Variants in EIPR1 observed in about 807,000 individuals in gnomAD.
EIPR1 encodes the protein EARP complex and GARP complex interacting protein 1.
Under a neutral mutation model 48.1 loss-of-function variants are expected in EIPR1, and 25 were observed. That is an observed-to-expected ratio of 0.52 (90% CI 0.38 to 0.73). EIPR1 has a LOEUF of 0.73. Among genes scored for constraint, EIPR1 ranks in the 30% least tolerant of loss-of-function variants. The pLI is 0.00. For missense variants in EIPR1, 415 were observed against 506.2 expected (o/e 0.82, Z 1.73); for synonymous variants, 204 against 201.9 (o/e 1.01, Z -0.09).
intron 1 of EIPR1, among the ~76,000 whole-genome samples, chr2:3,370,503 G>A (rs1456797129): frequency 6.0e-5 from 9 of 151,126 alleles, no homozygotes; most frequent in Non-Finnish European, 8.8e-5. Flanking sequence ...AAATTTAGAC[G>A]AATGTATAAC....
chr2:3,365,025 T>C (rs898631019), intron 1 of EIPR1, among the ~76,000 whole-genome samples: 1 of 152,160 alleles, frequency 6.6e-6, no homozygotes, highest in African/African-American at 2.4e-5. Context: ...TTTAAGGTGA[T>C]GGATATCTCA....
intron 3 of EIPR1, among the ~76,000 whole-genome samples, chr2:3,265,027 T>C (rs572104296): frequency 1.5e-5 from 1 of 64,646 alleles, no homozygotes; most frequent in African/African-American, 6.7e-5. Flanking sequence ...ATAAAATTAA[T>C]GAAATGTCTA....
At chr2:3,363,819 C>T (rs375992109) in intron 1 of EIPR1, among the ~76,000 whole-genome samples, 1 of 104,032 alleles carries the variant, frequency 9.6e-6, no homozygotes, top group African/African-American at 3.2e-5. Context: ...AAAAAAAAAA[C>T]ACCAAAATAA....
chr2:3,217,981 G>T (rs370053793), intron 4 of EIPR1, among the ~76,000 whole-genome samples: 158 of 152,230 alleles, frequency 1.0e-3, no homozygotes, highest in African/African-American at 3.6e-3. Context: ...GCATGGCCCT[G>T]GTACACTCTA....
chr2:3,191,531 CA>C (rs1045774196), intron 8 of EIPR1, among the ~76,000 whole-genome samples: 6 of 152,220 alleles, frequency 3.9e-5, no homozygotes, highest in African/African-American at 1.4e-4. Context: ...AGACAAAAAA[CA>C]GTGCAAAGGA....
At chr2:3,305,457 C>T (rs371651332) in intron 3 of EIPR1, among the ~76,000 whole-genome samples, 1 of 151,604 alleles carries the variant, frequency 6.6e-6, no homozygotes, top group Non-Finnish European at 1.5e-5. Flanking sequence ...GCCCTCCAAT[C>T]CCGTCCAGTT....
intron 3 of EIPR1, among the ~76,000 whole-genome samples, chr2:3,322,074 C>T (rs995287678): frequency 1.3e-5 from 2 of 152,214 alleles, no homozygotes; most frequent in Non-Finnish European, 2.9e-5. Context: ...GGGCCCAGGG[C>T]ATATTCCACT....
intron 3 of EIPR1, chr2:3,319,231 G>A: frequency 3.0e-6 from 1 of 330,700 alleles, no homozygotes; most frequent in South Asian, 2.5e-5. Context: ...CTCAGAAGCA[G>A]CATCCTTGAA....
chr2:3,359,706 A>T lies in EIPR1; in HGVS notation c.43-5073T>A, dbSNP rs574123693. Among the ~76,000 whole-genome samples the T allele has an allele frequency of 6.6e-5, 10 of 152,360 alleles. No homozygotes were observed. The South Asian group carries it at 2.1e-3, about 32-fold the overall frequency. ...ATAATTCTACCTCTTTGATTAAAGT[A>T]ATGATAAAATGACCACTAAGTCTAG... On this transcript the variant is annotated intron_variant, in intron 1 of 8. Coordinates refer to ENST00000382125, the MANE Select transcript of EIPR1 (RefSeq NM_003310.5).
chr2:3,286,968 G>C lies in EIPR1; in HGVS notation c.260-29513C>G, dbSNP rs909035800. Among the ~76,000 whole-genome samples the C allele has an allele frequency of 1.3e-5, 2 of 149,082 alleles. No homozygotes were observed. Among genetic ancestry groups the C allele is most frequent in the Non-Finnish European group, 1.5e-5 (1 of 67,194 alleles). ...CACACAGAGTGCCAGCCGGCAGAGG[G>C]GGCGGTGGGGAGCACACAGAGTGCC... On this transcript the variant is annotated intron_variant, in intron 3 of 8. Coordinates refer to ENST00000382125, the MANE Select transcript of EIPR1 (RefSeq NM_003310.5). The surrounding 1 kb of genome is among the most constrained non-coding windows in gnomAD (Gnocchi z 4.2).
Position 3,365,935 on chromosome 2 carries a change from C to T in EIPR1, c.43-11302G>A, listed in dbSNP as rs1317001902. Among the ~76,000 whole-genome samples, 6 of 95,514 alleles carry T rather than the reference C, an allele frequency of 6.3e-5. No individual in the cohort carries two copies. The Admixed American group carries it at 6.4e-4, about 10-fold the overall frequency. 62.7% of individuals were successfully genotyped at this position (95,514 alleles called of 152,430 possible). A position where few individuals can be genotyped will look rare whatever the true frequency, so the allele number is the denominator to read the frequency against. On this transcript the variant is annotated intron_variant, in intron 1 of 8. Coordinates refer to ENST00000382125, the MANE Select transcript of EIPR1 (RefSeq NM_003310.5). ...CAGGTGGGGGAGTCAGCCCCCCGCC[C>T]GGCCAGCCGCCCAGTCCGGGAGGGA...
intron 3 of EIPR1, chr2:3,300,743 T>C (rs924046025): frequency 6.6e-6 from 1 of 152,212 alleles, no homozygotes; most frequent in Non-Finnish European, 1.5e-5. Context: ...GTCCCAATCA[T>C]ACAAATACCT....
intron 4 of EIPR1, among the ~76,000 whole-genome samples, chr2:3,256,805 C>T (rs967225982): frequency 6.6e-6 from 1 of 152,200 alleles, no homozygotes; most frequent in South Asian, 2.1e-4. Context: ...CATGAAGCAG[C>T]GACTGGCCAG....
At chr2:3,269,158 A>C (rs1307559550) in intron 3 of EIPR1, among the ~76,000 whole-genome samples, 2 of 152,234 alleles carry the variant, frequency 1.3e-5, no homozygotes, top group Non-Finnish European at 2.9e-5. Context: ...TGGTCTGATC[A>C]TCAAGCCTTA....
At chr2:3,273,384 T>C (rs1203285053) in intron 3 of EIPR1, among the ~76,000 whole-genome samples, 1 of 152,130 alleles carries the variant, frequency 6.6e-6, no homozygotes, top group East Asian at 1.9e-4. Flanking sequence ...AACGGGAAAG[T>C]AAGCTTTTGG....
intron 4 of EIPR1, among the ~76,000 whole-genome samples, chr2:3,222,131 A>T (rs898968197): frequency 3.3e-5 from 5 of 152,244 alleles, no homozygotes; most frequent in African/African-American, 9.6e-5. Context: ...ACTTAAGAGC[A>T]GCATGTGCTC....
chr2:3,268,842 G>A (rs577682598), intron 3 of EIPR1, among the ~76,000 whole-genome samples: 12 of 152,262 alleles, frequency 7.9e-5, no homozygotes, highest in African/African-American at 2.4e-4. Flanking sequence ...ACACGAGGCC[G>A]ACTTTGGTGG....
intron 4 of EIPR1, among the ~76,000 whole-genome samples, chr2:3,225,220 ATATGTGTGTGTGTGTG>A (rs1471290245): frequency 2.2e-5 from 2 of 90,376 alleles, no homozygotes; most frequent in Non-Finnish European, 2.4e-5. Flanking sequence ...GTACACTGTG[ATATGTGTGTGTGTGTG>A]TGTGTGTGTG....
intron 3 of EIPR1, among the ~76,000 whole-genome samples, chr2:3,277,363 T>C (rs1418309483): frequency 6.6e-6 from 1 of 152,212 alleles, no homozygotes; most frequent in Middle Eastern, 3.2e-3. Flanking sequence ...AGGACATTTC[T>C]GGGAATAATT....
Sources: allele counts gnomAD v4.1 joint callset (sites outside exome capture counted in the v4.1 genomes callset), GRCh38; gene constraint gnomAD v4.1.1; non-coding constraint Gnocchi (gnomAD v3.1); transcripts MANE v1.5; gene names NCBI Gene and HGNC (gene_info 2026-07-23, HGNC 2026-07-21).